Variants in CSMD1 observed in about 807,000 individuals in gnomAD.
The protein encoded by CSMD1 is CUB and sushi domain-containing protein 1.
CSMD1 carries 213 observed loss-of-function variants against 417.5 expected under a neutral mutation model. The observed-to-expected ratio is 0.51, with a 90% CI of 0.46 to 0.57. The LOEUF (loss-of-function observed/expected upper bound fraction) is 0.57. Ranked by LOEUF, CSMD1 falls within the 20% of genes least tolerant of loss-of-function variation. The pLI is 0.00. For synonymous variants in CSMD1, 2,862 were observed against 1,736.8 expected (o/e 1.65, Z -16.11); for missense variants, 6,923 against 4,529.7 (o/e 1.53, Z -15.17).
intron 1 of CSMD1, among the ~76,000 whole-genome samples, chr8:4,715,259 G>T (rs754250320): frequency 1.3e-5 from 2 of 152,098 alleles, no homozygotes; most frequent in African/African-American, 2.4e-5. Flanking sequence ...CCTGTGTTTG[G>T]CTCTGACAAA....
chr8:3,137,098 G>A (rs947621047), intron 41 of CSMD1, among the ~76,000 whole-genome samples: 2 of 152,002 alleles, frequency 1.3e-5, no homozygotes, highest in Admixed American at 1.3e-4. Context: ...TCATTTCTTT[G>A]TGGGGGGAAT....
chr8:3,568,782 G>A (rs1044233939), intron 10 of CSMD1, among the ~76,000 whole-genome samples: 29 of 151,972 alleles, frequency 1.9e-4, no homozygotes, highest in African/African-American at 7.0e-4. Context: ...AAAGATGTTA[G>A]TAGAAGACAG....
At chr8:3,263,775 G>C (rs949020581) in intron 26 of CSMD1, among the ~76,000 whole-genome samples, 9 of 152,078 alleles carry the variant, frequency 5.9e-5, no homozygotes, top group Admixed American at 3.9e-4. Flanking sequence ...TTTAATAAAT[G>C]AATTGTGACT....
intron 3 of CSMD1, among the ~76,000 whole-genome samples, chr8:4,041,138 T>C (rs1467862889): frequency 6.7e-6 from 1 of 148,820 alleles, no homozygotes; most frequent in African/African-American, 2.5e-5. Context: ...TGCCTCAGCC[T>C]CCCGAGTAGC....
At chr8:2,983,312 G>A (rs940172422) in intron 54 of CSMD1, among the ~76,000 whole-genome samples, 22 of 151,684 alleles carry the variant, frequency 1.5e-4, no homozygotes, top group South Asian at 1.0e-3. Flanking sequence ...TCAGCCTCCC[G>A]AGTAGCTGGT....
Position 3,754,138 on chromosome 8 carries a change from T to A in CSMD1, c.819-96A>T, listed in dbSNP as rs546809094. The A allele has an allele frequency of 7.0e-4, 498 of 709,584 alleles. 4 individuals are homozygous for A. The Middle Eastern group carries it at 0.013, about 19-fold the overall frequency. 44.0% of individuals were successfully genotyped at this position (709,584 alleles called of 1,614,324 possible). On this transcript the variant is annotated intron_variant, in intron 5 of 69. Coordinates refer to ENST00000635120, the MANE Select transcript of CSMD1 (RefSeq NM_033225.6). ...TTTGAAATCCGATTACTTAAATCCT[T>A]CATCTTGAGATGCTTAAAACAGAGG...
chr8:4,647,049 C>T (rs1355055532), intron 1 of CSMD1, among the ~76,000 whole-genome samples: 2 of 152,084 alleles, frequency 1.3e-5, no homozygotes, highest in African/African-American at 2.4e-5. Flanking sequence ...CAAAGTGAGG[C>T]CAAGATGGCA....
chr8:4,104,224 C>A (rs552896184), intron 3 of CSMD1, among the ~76,000 whole-genome samples: 3 of 152,176 alleles, frequency 2.0e-5, no homozygotes, highest in South Asian at 2.1e-4. Context: ...TACGTGAGTG[C>A]GGATACACAT....
intron 3 of CSMD1, among the ~76,000 whole-genome samples, chr8:4,407,308 A>G (rs760482119): frequency 2.0e-4 from 30 of 152,258 alleles, no homozygotes; most frequent in Non-Finnish European, 3.5e-4. Flanking sequence ...CACTGCTATA[A>G]TATATAAGGG....
At chr8:4,189,202 C>A (rs1265372319) in intron 3 of CSMD1, among the ~76,000 whole-genome samples, 2 of 152,254 alleles carry the variant, frequency 1.3e-5, no homozygotes, top group Admixed American at 1.3e-4. Context: ...GCTATGCAAA[C>A]TCATGTGTGT....
At chr8:3,860,651 C>G (rs1447785715) in intron 5 of CSMD1, among the ~76,000 whole-genome samples, 2 of 152,026 alleles carry the variant, frequency 1.3e-5, no homozygotes, top group Non-Finnish European at 2.9e-5. Flanking sequence ...TCACCATAAT[C>G]CGGTTAATTA....
Position 4,938,143 on chromosome 8 carries a change from G to C in CSMD1, c.85+56189C>G, listed in dbSNP as rs186484720. The stretch of plus-strand genomic sequence containing the variant: ...AATTAAAAATACCCATTGGTGCACT[G>C]ATGTCAGAACATAATAGAGTTGGGG... On this transcript the variant is annotated intron_variant, in intron 1 of 69. Coordinates refer to ENST00000635120, the MANE Select transcript of CSMD1 (RefSeq NM_033225.6). 3.2e-3 allele frequency among the ~76,000 whole-genome samples: 493 copies of C among 152,240 alleles called. 1 individual carries two copies. Among genetic ancestry groups the C allele is most frequent in the African/African-American group, 0.011 (467 of 41,536 alleles).
chr8:3,619,097 G>C (rs1006960116), intron 7 of CSMD1, among the ~76,000 whole-genome samples: 1 of 150,050 alleles, frequency 6.7e-6, no homozygotes, highest in Admixed American at 6.6e-5. Context: ...ATTCCAGGCA[G>C]AGGAATACAA....
intron 50 of CSMD1, among the ~76,000 whole-genome samples, chr8:3,037,844 C>CAA (rs1389493431): frequency 2.0e-5 from 3 of 152,146 alleles, no homozygotes; most frequent in African/African-American, 7.2e-5. Context: ...AAAAAGGTCT[C>CAA]AAGGCATTAA....
At chr8:4,202,655 C>G (rs1479368341) in intron 3 of CSMD1, among the ~76,000 whole-genome samples, 1 of 152,146 alleles carries the variant, frequency 6.6e-6, no homozygotes, top group Non-Finnish European at 1.5e-5. Context: ...TACAACCAAC[C>G]CTGTAGCTAC....
intron 6 of CSMD1, among the ~76,000 whole-genome samples, chr8:3,710,565 G>A (rs548166968): frequency 4.6e-5 from 7 of 152,146 alleles, no homozygotes; most frequent in African/African-American, 1.4e-4. Context: ...CCTCACTGAT[G>A]TCACTAAGCA....
At chr8:4,047,211 T>G (rs1454090246) in intron 3 of CSMD1, among the ~76,000 whole-genome samples, 1 of 152,152 alleles carries the variant, frequency 6.6e-6, no homozygotes, top group African/African-American at 2.4e-5. Context: ...AACTCATGTG[T>G]ATTTCAGTCT....
At chr8:4,190,053 T>C (rs532683043) in intron 3 of CSMD1, among the ~76,000 whole-genome samples, 1 of 151,410 alleles carries the variant, frequency 6.6e-6, no homozygotes, top group Non-Finnish European at 1.5e-5. Context: ...GGTCAGGAGA[T>C]CGAGACCATC....
Position 3,201,595 on chromosome 8 carries a change from A to C in CSMD1, c.5098+17T>G. The C allele has an allele frequency of 1.3e-6, 2 of 1,519,146 alleles. No homozygotes were observed. Among genetic ancestry groups the C allele is most frequent in the African/African-American group, 1.4e-5 (1 of 72,756 alleles). The allele number at this position is 1,519,146 out of a possible 1,614,324, so 94.1% of individuals were successfully genotyped here. A position where few individuals can be genotyped will look rare whatever the true frequency, so the allele number is the denominator to read the frequency against. ...GCTGTCTGAACTAAATTAAGGGCAA[A>C]ATTCTTTAAGACTTACCTGAGTGAG... On this transcript the variant is annotated intron_variant, in intron 32 of 69. Transcript: ENST00000635120.
Sources: allele counts gnomAD v4.1 joint callset (sites outside exome capture counted in the v4.1 genomes callset), GRCh38; gene constraint gnomAD v4.1.1; transcripts MANE v1.5; gene names NCBI Gene and HGNC (gene_info 2026-07-23, HGNC 2026-07-21).